The following AFG2A variants were observed in gnomAD, a reference collection of about 807,000 sequenced individuals.
AFG2A encodes the protein ATPase family gene 2 protein homolog A.
chr4:122,988,598 A>G, the AFG2A span, among the ~76,000 whole-genome samples: 5 of 151,782 alleles, frequency 3.3e-5, no homozygotes, highest in African/African-American at 1.2e-4. Flanking sequence ...GGAGTTTCAT[A>G]TGTGGCCAGG....
At chr4:123,069,070 C>CTTTGT in the AFG2A span, among the ~76,000 whole-genome samples, 6 of 152,122 alleles carry the variant, frequency 3.9e-5, no homozygotes, top group South Asian at 1.2e-3. Flanking sequence ...ACTCACAAAA[C>CTTTGT]TTTGTCAGTG....
chr4:123,232,098 T>C, the AFG2A span, among the ~76,000 whole-genome samples: 8 of 151,976 alleles, frequency 5.3e-5, no homozygotes, highest in African/African-American at 1.9e-4. Flanking sequence ...ACTTGCTCAA[T>C]GCAGGGTTGC....
the AFG2A span, among the ~76,000 whole-genome samples, chr4:123,145,264 T>G: frequency 6.6e-6 from 1 of 152,070 alleles, no homozygotes; most frequent in Non-Finnish European, 1.5e-5. Context: ...TTTACTCAGT[T>G]GCCCAATTTT....
chr4:123,026,092 C>T, the AFG2A span, among the ~76,000 whole-genome samples: 1 of 138,512 alleles, frequency 7.2e-6, no homozygotes, highest in Non-Finnish European at 1.5e-5. Context: ...AAAATAAGAC[C>T]TCGTGTATGT....
At chr4:122,939,516 ATGCTGG>A in the AFG2A span, among the ~76,000 whole-genome samples, 5 of 152,344 alleles carry the variant, frequency 3.3e-5, no homozygotes, top group South Asian at 4.1e-4. Flanking sequence ...TACACTTTTC[ATGCTGG>A]ATTATGAATA....
At chr4:123,164,051 T>C in the AFG2A span, among the ~76,000 whole-genome samples, 5 of 152,214 alleles carry the variant, frequency 3.3e-5, no homozygotes, top group African/African-American at 4.8e-5. Context: ...TGAGGTAACT[T>C]ACTTTGCTCT....
At chr4:123,101,577 C>G in the AFG2A span, among the ~76,000 whole-genome samples, 1 of 151,904 alleles carries the variant, frequency 6.6e-6, no homozygotes, top group Non-Finnish European at 1.5e-5. Context: ...ATACTTTGCT[C>G]TTTATAGTTG....
chr4:123,081,280 C>G, the AFG2A span, among the ~76,000 whole-genome samples: 7 of 152,216 alleles, frequency 4.6e-5, no homozygotes. Flanking sequence ...TCCTCTGTAA[C>G]CAGGTGTTAA....
At chr4:123,004,323 C>A in the AFG2A span, among the ~76,000 whole-genome samples, 1 of 152,196 alleles carries the variant, frequency 6.6e-6, no homozygotes, top group African/African-American at 2.4e-5. Flanking sequence ...CACTGTCCTG[C>A]GCCCACTGTC....
At chr4:123,222,897 C>T in the AFG2A span, among the ~76,000 whole-genome samples, 1 of 152,030 alleles carries the variant, frequency 6.6e-6, no homozygotes, top group African/African-American at 2.4e-5. Context: ...AATAATATAC[C>T]ATCATATGTA....
the AFG2A span, among the ~76,000 whole-genome samples, chr4:122,926,973 G>A: frequency 6.6e-6 from 1 of 152,124 alleles, no homozygotes; most frequent in Non-Finnish European, 1.5e-5. Flanking sequence ...GAGTGCTGGA[G>A]GAATTAGAGG....
At chr4:123,096,617 G>A in the AFG2A span, among the ~76,000 whole-genome samples, 9 of 151,794 alleles carry the variant, frequency 5.9e-5, no homozygotes, top group South Asian at 2.1e-4. Context: ...CTTTTAGTAC[G>A]GATACCTACT....
the AFG2A span, among the ~76,000 whole-genome samples, chr4:123,229,219 A>G: frequency 6.6e-6 from 1 of 152,010 alleles, no homozygotes; most frequent in Non-Finnish European, 1.5e-5. Flanking sequence ...AAAAGCTAAC[A>G]TAGTCTGGGA....
chr4:123,089,582 T>G, the AFG2A span, among the ~76,000 whole-genome samples: 1 of 152,112 alleles, frequency 6.6e-6, no homozygotes, highest in African/African-American at 2.4e-5. Context: ...TTGAGTTTAC[T>G]TCTTTTTTTT....
the AFG2A span, among the ~76,000 whole-genome samples, chr4:123,307,493 G>C: frequency 6.6e-6 from 1 of 152,108 alleles, no homozygotes; most frequent in Non-Finnish European, 1.5e-5. Flanking sequence ...TTTTCCCTCA[G>C]TTTCTGTAGT....
the AFG2A span, among the ~76,000 whole-genome samples, chr4:122,949,342 ACGT>A: frequency 1.3e-5 from 2 of 151,984 alleles, no homozygotes. Context: ...ATGCCATCTC[ACGT>A]TGTTGGTGGT....
At chr4:122,966,063 A>G in the AFG2A span, among the ~76,000 whole-genome samples, 1 of 152,196 alleles carries the variant, frequency 6.6e-6, no homozygotes, top group Non-Finnish European at 1.5e-5. Context: ...TTATAGCTCC[A>G]AGGATCTTTA....
chr4:122,944,958 C>A, the AFG2A span, among the ~76,000 whole-genome samples: 130,021 of 152,148 alleles, frequency 0.85, 56,860 homozygotes, highest in East Asian at 0.96. Flanking sequence ...GTGGATTTTC[C>A]TGAACCGCGA....
chr4:123,281,584 T>C, the AFG2A span, among the ~76,000 whole-genome samples: 13 of 152,330 alleles, frequency 8.5e-5, no homozygotes, highest in South Asian at 2.1e-4. Context: ...TTGTGGATTA[T>C]GTGGGTTGCT....
Sources: allele counts gnomAD v4.1 joint callset (sites outside exome capture counted in the v4.1 genomes callset), GRCh38; gene constraint gnomAD v4.1.1; transcripts MANE v1.5; gene names NCBI Gene and HGNC (gene_info 2026-07-23, HGNC 2026-07-21).